The following EHBP1 variants were observed in gnomAD, a reference collection of about 807,000 sequenced individuals.
The protein encoded by EHBP1 is EH domain-binding protein 1.
EHBP1 carries 55 observed loss-of-function variants against 144.0 expected under a neutral mutation model. The observed-to-expected ratio is 0.38, with a 90% CI of 0.31 to 0.48. The LOEUF (loss-of-function observed/expected upper bound fraction) is 0.48, where lower values mean the gene tolerates loss of function less well. Among genes scored for constraint, EHBP1 ranks in the 20% least tolerant of loss-of-function variants. The pLI is 0.98. For missense variants in EHBP1, 1,200 were observed against 1,364.2 expected, an observed-to-expected ratio of 0.88 and a Z score of 1.90; for synonymous variants, 469 against 472.7, an observed-to-expected ratio of 0.99 and a Z score of 0.10.
intron 19 of EHBP1, among the ~76,000 whole-genome samples, chr2:63,013,596 T>C (rs952766248): frequency 2.0e-5 from 3 of 152,188 alleles, no homozygotes; most frequent in African/African-American, 7.2e-5. Flanking sequence ...AGGCAAACTA[T>C]ACATCTCCAC....
intron 10 of EHBP1, among the ~76,000 whole-genome samples, chr2:62,878,163 A>G (rs764647662): frequency 1.3e-5 from 2 of 152,224 alleles, no homozygotes; most frequent in South Asian, 4.1e-4. Context: ...CCCCATAGAA[A>G]TAGGAAAAAC....
chr2:62,826,753 T>C (rs1331122501), intron 6 of EHBP1, among the ~76,000 whole-genome samples: 2 of 152,198 alleles, frequency 1.3e-5, no homozygotes, highest in Non-Finnish European at 2.9e-5. Context: ...ATTGTAATCA[T>C]TTTCTTTTCA....
intron 10 of EHBP1, among the ~76,000 whole-genome samples, chr2:62,890,980 C>G (rs1401009006): frequency 2.0e-5 from 3 of 151,992 alleles, no homozygotes; most frequent in East Asian, 3.9e-4. Flanking sequence ...GAGTCTGACA[C>G]CAGCCTGGCC....
intron 9 of EHBP1, among the ~76,000 whole-genome samples, chr2:62,873,143 A>C (rs1040870840): frequency 6.6e-6 from 1 of 152,184 alleles, no homozygotes; most frequent in Non-Finnish European, 1.5e-5. Context: ...CTGAACTCAC[A>C]ATATAGAATT....
chr2:62,944,688 C>T (rs1472010708), intron 12 of EHBP1, among the ~76,000 whole-genome samples: 2 of 152,130 alleles, frequency 1.3e-5, no homozygotes, highest in African/African-American at 2.4e-5. Flanking sequence ...AAGGGGATAT[C>T]GATCCTTTCA....
At position 62,681,299 on chromosome 2, in the gene EHBP1, C is replaced by T. The variant is rs186862310; in HGVS notation, c.-296+7216C>T. 6.1e-3 allele frequency among the ~76,000 whole-genome samples: 651 copies of T among 106,214 alleles called. 7 individuals are homozygous for T. Among genetic ancestry groups the T allele is most frequent in the African/African-American group, 0.024 (615 of 25,848 alleles). The allele number at this position is 106,214 out of a possible 152,430, so 69.7% of individuals were successfully genotyped here. ...CCAGCCTGGGTGATGGAGCAAAGCT[C>T]CATCTCAAATATATATATATATTTG... On this transcript the variant is annotated intron_variant, in intron 1 of 22. Coordinates refer to the EHBP1 transcript ENST00000405015.
At chr2:62,847,307 G>T (rs1378918344) in intron 7 of EHBP1, among the ~76,000 whole-genome samples, 1 of 152,112 alleles carries the variant, frequency 6.6e-6, no homozygotes, top group Admixed American at 6.5e-5. Flanking sequence ...TTAATTCAGT[G>T]TGTTCATTAT....
rs55837821 is a variant in EHBP1 at position 63,030,654 on chromosome 2, A to AT, written c.3104-6871dup. Among the ~76,000 whole-genome samples the AT allele has an allele frequency of 8.4e-3, 1,236 of 146,294 alleles. 8 individuals carry two copies. The highest frequency in any genetic ancestry group is 0.013 in the Non-Finnish European group (885 of 66,168). ...AGGCGCCCACCACCACACCCAGCTAATTTTTTTTTTGTATTTTTAGTAGAG... is the reference window on the plus strand; with the variant it reads ...AGGCGCCCACCACCACACCCAGCTAATTTTTTTTTTTGTATTTTTAGTAGAG... On this transcript the variant is annotated intron_variant, in intron 19 of 22. Coordinates refer to ENST00000431489, the MANE Select transcript of EHBP1 (RefSeq NM_001142616.3).
At chr2:62,847,589 A>G (rs1331494687) in intron 7 of EHBP1, among the ~76,000 whole-genome samples, 2 of 152,196 alleles carry the variant, frequency 1.3e-5, no homozygotes, top group Non-Finnish European at 2.9e-5. Context: ...AGTCCTAGCT[A>G]CTGGGAGGCT....
intron 2 of EHBP1, among the ~76,000 whole-genome samples, chr2:62,723,015 A>G (rs187449755): frequency 1.8e-4 from 28 of 152,306 alleles, no homozygotes; most frequent in East Asian, 3.9e-4. Flanking sequence ...GTAGATGTCT[A>G]TGAGGTCCAT....
intron 9 of EHBP1, among the ~76,000 whole-genome samples, chr2:62,871,691 T>C (rs1047107431): frequency 3.3e-5 from 5 of 152,196 alleles, no homozygotes; most frequent in Admixed American, 2.6e-4. Context: ...ACTTCCTGTA[T>C]ACTCTGACAT....
chr2:62,845,058 T>C (rs530795260), intron 7 of EHBP1, among the ~76,000 whole-genome samples: 6 of 152,140 alleles, frequency 3.9e-5, no homozygotes, highest in South Asian at 2.1e-4. Context: ...TGCTTTGTCT[T>C]AAAATCCCCA....
At chr2:62,702,189 G>T (rs904157065), upstream of EHBP1, among the ~76,000 whole-genome samples, 1 of 152,098 alleles carries the variant, frequency 6.6e-6, no homozygotes, top group African/African-American at 2.4e-5. Flanking sequence ...AAAGTTTTTG[G>T]ATGCCATTTT....
At chr2:62,854,744 T>C (rs1362455282) in intron 7 of EHBP1, among the ~76,000 whole-genome samples, 1 of 152,144 alleles carries the variant, frequency 6.6e-6, no homozygotes, top group Non-Finnish European at 1.5e-5. Flanking sequence ...GTTTAGAATA[T>C]GGTGATGATG....
intron 19 of EHBP1, among the ~76,000 whole-genome samples, chr2:62,999,120 T>A (rs776282596): frequency 2.0e-5 from 3 of 152,140 alleles, no homozygotes; most frequent in Non-Finnish European, 4.4e-5. Context: ...ATGATGAGAC[T>A]GAGGCTCAGA....
chr2:62,812,999 C>T (rs996161032), intron 5 of EHBP1, among the ~76,000 whole-genome samples: 1 of 152,160 alleles, frequency 6.6e-6, no homozygotes, highest in Non-Finnish European at 1.5e-5. Flanking sequence ...GAGCCAGGTG[C>T]TATTCATCAA....
chr2:63,034,542 G>A (rs1231785185), intron 19 of EHBP1, among the ~76,000 whole-genome samples: 1 of 151,980 alleles, frequency 6.6e-6, no homozygotes, highest in Admixed American at 6.6e-5. Flanking sequence ...ACAATGTAAA[G>A]TGCTTTATTC....
At chr2:62,786,914 G>A (rs191418119) in intron 5 of EHBP1, among the ~76,000 whole-genome samples, 2 of 152,192 alleles carry the variant, frequency 1.3e-5, no homozygotes, top group African/African-American at 4.8e-5. Context: ...AGGGACCCCT[G>A]TAGCCTGTTG....
At chr2:62,935,801 A>G (rs1475938798) in intron 10 of EHBP1, among the ~76,000 whole-genome samples, 1 of 152,154 alleles carries the variant, frequency 6.6e-6, no homozygotes, top group Non-Finnish European at 1.5e-5. Context: ...TTAGCAAGTG[A>G]AAGAAGATTC....
Sources: gnomAD v4.1 joint callset for allele counts (sites outside exome capture counted in the v4.1 genomes callset) on GRCh38, gnomAD v4.1.1 for gene constraint, MANE v1.5 for transcripts, NCBI Gene and HGNC (gene_info 2026-07-23, HGNC 2026-07-21) for gene names.